The following PCSK5 variants were observed in gnomAD, a reference collection of about 807,000 sequenced individuals.
PCSK5 encodes prohormone convertase 5.
In PCSK5, 129 loss-of-function variants were observed where a neutral mutation model predicts 233.2. The ratio of observed to expected loss-of-function variants is 0.55; its 90% confidence interval spans 0.48 to 0.64. The LOEUF (loss-of-function observed/expected upper bound fraction) is 0.64, where lower values mean the gene tolerates loss of function less well. Among genes scored for constraint, PCSK5 ranks in the 30% least tolerant of loss-of-function variants. The pLI is 0.00. For missense variants in PCSK5, 2,076 were observed against 2,430.1 expected (o/e 0.85, Z 3.06); for synonymous variants, 825 against 879.2 (o/e 0.94, Z 1.09).
chr9:75,976,553 A>G (rs571115236), intron 2 of PCSK5, among the ~76,000 whole-genome samples: 1 of 152,018 alleles, frequency 6.6e-6, no homozygotes, highest in Non-Finnish European at 1.5e-5. Flanking sequence ...TGGAAAAATG[A>G]GCCTGAAGTC....
chr9:76,243,156 C>T (rs1826481399), intron 24 of PCSK5, among the ~76,000 whole-genome samples: 2 of 152,070 alleles, frequency 1.3e-5, no homozygotes, highest in Non-Finnish European at 2.9e-5. Flanking sequence ...AAAGACTCAC[C>T]TTGCAAAAAA....
At chr9:75,925,780 T>C (rs116780243) in intron 1 of PCSK5, among the ~76,000 whole-genome samples, 1,538 of 152,322 alleles carry the variant, frequency 0.01, 26 homozygotes, top group African/African-American at 0.034. Context: ...GGATTCTCCT[T>C]TGAATGTTAT....
intron 5 of PCSK5, among the ~76,000 whole-genome samples, chr9:76,044,100 G>A (rs1423148467): frequency 1.3e-5 from 2 of 151,992 alleles, no homozygotes; most frequent in Non-Finnish European, 2.9e-5. Flanking sequence ...ATAAATGTTG[G>A]TCTTAAAAAT....
chr9:75,982,398 G>C (rs545443323), intron 2 of PCSK5, among the ~76,000 whole-genome samples: 2 of 152,214 alleles, frequency 1.3e-5, no homozygotes, highest in South Asian at 4.1e-4. Context: ...CCATAGAGTT[G>C]TACACGTTTC....
intron 2 of PCSK5, among the ~76,000 whole-genome samples, chr9:75,976,274 CCACACACACACACACACACACACACA>C (rs10562995): frequency 2.6e-4 from 37 of 141,496 alleles, no homozygotes; most frequent in African/African-American, 3.8e-4. Context: ...CACACAGACA[CCACACACACACACACACACACACACA>C]CACACACACA....
At chr9:76,194,658 C>A in intron 20 of PCSK5, 1 of 408,558 alleles carries the variant, frequency 2.4e-6, no homozygotes, top group Non-Finnish European at 5.0e-6. Flanking sequence ...CTAAACACTT[C>A]ATCGAAACTA....
intron 24 of PCSK5, among the ~76,000 whole-genome samples, chr9:76,283,809 C>T (rs927068163): frequency 2.6e-5 from 4 of 152,234 alleles, no homozygotes; most frequent in African/African-American, 9.6e-5. Flanking sequence ...CTAATCATAT[C>T]ATTCAAACAT....
chr9:75,899,989 A>G (rs1295893104), intron 1 of PCSK5, among the ~76,000 whole-genome samples: 2 of 152,214 alleles, frequency 1.3e-5, no homozygotes, highest in African/African-American at 2.4e-5. Flanking sequence ...GGAGGCTTCC[A>G]GTGCTCTTAG....
At chr9:76,148,117 A>G (rs1325080409) in intron 10 of PCSK5, among the ~76,000 whole-genome samples, 2 of 151,582 alleles carry the variant, frequency 1.3e-5, no homozygotes, top group African/African-American at 4.8e-5. Context: ...AAGGGAAATT[A>G]TTCTACAACT....
chr9:76,030,434 T>C (rs899198723), intron 5 of PCSK5, among the ~76,000 whole-genome samples: 8 of 152,140 alleles, frequency 5.3e-5, no homozygotes, highest in Admixed American at 3.3e-4. Flanking sequence ...GAAGCCACAG[T>C]CAAAGACACA....
chr9:76,125,331 A>G (rs527330365), intron 9 of PCSK5, among the ~76,000 whole-genome samples: 14 of 152,268 alleles, frequency 9.2e-5, no homozygotes, highest in Admixed American at 6.5e-4. Flanking sequence ...TCCAGTCCCT[A>G]CAAACACCAT....
rs1823870596 is a variant in PCSK5 at position 76,181,494 on chromosome 9, T to C, written c.2100T>C (p.His700=). The change falls in exon 16 of 38, where the codon CAT becomes CAC. Residue 700 remains histidine, a synonymous_variant. Coordinates refer to ENST00000674117, the MANE Select transcript of PCSK5 (RefSeq NM_001372043.1). ...ACTGTGAGTCCTGCTTTGGGAGCCA[T>C]GGTGACCAATGCATGTCCTGCAAAT... ...APNCESCFGS[H]GDQCMSCKYG... The C allele has an allele frequency of 6.2e-7, 1 of 1,613,954 alleles. No individual in the cohort carries two copies. Among genetic ancestry groups the C allele is most frequent in the Non-Finnish European group, 8.5e-7 (1 of 1,179,966 alleles).
At chr9:76,175,325 TAGAATAGAAC>T (rs1823562648) in intron 14 of PCSK5, 196 bp downstream of exon 14, 3 of 430,678 alleles carry the variant, frequency 7.0e-6, no homozygotes, top group Admixed American at 8.3e-5. Context: ...CAGAACAGAA[TAGAATAGAAC>T]AGAACAATCT....
At chr9:76,075,350 A>G (rs1296160711) in intron 7 of PCSK5, among the ~76,000 whole-genome samples, 14 of 152,150 alleles carry the variant, frequency 9.2e-5, no homozygotes, top group Admixed American at 7.9e-4. Context: ...TTAAAAGCGT[A>G]TCTTCAATTT....
At chr9:76,210,872 G>C (rs1031118253) in intron 20 of PCSK5, among the ~76,000 whole-genome samples, 1 of 152,162 alleles carries the variant, frequency 6.6e-6, no homozygotes, top group African/African-American at 2.4e-5. Context: ...AGCTGTTCAG[G>C]AGATAGAACA....
chr9:76,040,359 C>G (rs993435597), intron 5 of PCSK5, among the ~76,000 whole-genome samples: 752 of 63,690 alleles, frequency 0.012, 23 homozygotes, highest in African/African-American at 0.047. Context: ...CTCTCTCTCT[C>G]TCTCTCTCTC....
chr9:76,357,518 CA>C lies in PCSK5; in HGVS notation c.5255-984del, dbSNP rs201810823. Among the ~76,000 whole-genome samples, 575 of 141,110 alleles carry C rather than the reference CA, an allele frequency of 4.1e-3. 3 individuals are homozygous for C. The highest frequency in any genetic ancestry group is 0.014 in the African/African-American group (535 of 38,384). 92.6% of individuals were successfully genotyped at this position (141,110 alleles called of 152,430 possible). On this transcript the variant is annotated intron_variant, in intron 37 of 37. Transcript: ENST00000674117. Reference sequence around the variant, plus strand: ...TGGGTGACAGAGCGAGACTCCATCTCAAAAAAAAAAACTCTTAATAATGATA... The same window carrying C: ...TGGGTGACAGAGCGAGACTCCATCTCAAAAAAAAAACTCTTAATAATGATA...
At chr9:76,235,581 G>A (rs1028271442) in intron 22 of PCSK5, among the ~76,000 whole-genome samples, 10 of 152,122 alleles carry the variant, frequency 6.6e-5, no homozygotes, top group Admixed American at 1.3e-4. Context: ...CAGAGAAAAT[G>A]AGATAAATGA....
At chr9:75,957,862 G>A (rs1025676467) in intron 2 of PCSK5, among the ~76,000 whole-genome samples, 1 of 152,184 alleles carries the variant, frequency 6.6e-6, no homozygotes, top group African/African-American at 2.4e-5. Flanking sequence ...CTTTGCAGTG[G>A]TTGTATGGTG....
Sources: gnomAD v4.1 joint callset for allele counts (sites outside exome capture counted in the v4.1 genomes callset) on GRCh38, gnomAD v4.1.1 for gene constraint, MANE v1.5 for transcripts, NCBI Gene and HGNC (gene_info 2026-07-23, HGNC 2026-07-21) for gene names.